Variants in TBCD observed in about 807,000 individuals in gnomAD.
TBCD encodes the protein tubulin-specific chaperone D.
A neutral mutation model predicts 169.3 loss-of-function variants in TBCD; 105 were observed. The observed-to-expected ratio is 0.62, with a 90% CI of 0.53 to 0.73. The LOEUF (loss-of-function observed/expected upper bound fraction) is 0.73. Ranked by LOEUF, TBCD falls within the 30% of genes least tolerant of loss-of-function variation. The probability of loss-of-function intolerance (pLI) is 0.00; values close to 1 mark genes in which losing one functional copy is unlikely to be tolerated. For missense variants in TBCD, 1,444 were observed against 1,600.1 expected (o/e 0.90, Z 1.66); for synonymous variants, 700 against 643.9 (o/e 1.09, Z -1.32).
At position 82,893,429 on chromosome 17, in the gene TBCD, C is replaced by T. The variant is rs777112202; in HGVS notation, c.1564-118C>T. 7.9e-5 allele frequency: 61 copies of T among 770,214 alleles called. No individual in the cohort carries two copies. The Middle Eastern group carries it at 0.011, about 145-fold the overall frequency. The allele number at this position is 770,214 out of a possible 1,614,324, so 47.7% of individuals were successfully genotyped here. Reference sequence around the variant, plus strand: ...CTGTGGTGTGTGGCTTGCTCACCACCTGCCTCAGGGCTCGGGGTTCATGAG... The same window carrying T: ...CTGTGGTGTGTGGCTTGCTCACCACTTGCCTCAGGGCTCGGGGTTCATGAG... On this transcript the variant is annotated intron_variant, in intron 16 of 38. Coordinates refer to ENST00000355528, the MANE Select transcript of TBCD (RefSeq NM_005993.5).
In TBCD at chr17:82,860,424, G is replaced by C. The variant is rs987511379; in HGVS notation, c.1319-9800G>C. The C allele has an allele frequency of 3.0e-6, 3 of 984,822 alleles. No homozygotes were observed. In the African/African-American group the frequency reaches 5.2e-5, roughly 17 times the overall value. The allele number at this position is 984,822 out of a possible 1,614,324, so 61.0% of individuals were successfully genotyped here. ...GTGGCAGTGAGCGGACAGCGAGGGG[G>C]ACAGACACAGGTGGAAGGAACCACG... is the stretch of plus-strand genomic sequence containing the variant. On this transcript the variant is annotated intron_variant, in intron 13 of 38. Transcript: ENST00000355528.
At chr17:82,928,540 G>C (rs2147287094) in intron 30 of TBCD, among the ~76,000 whole-genome samples, 2 of 150,978 alleles carry the variant, frequency 1.3e-5, no homozygotes, top group Non-Finnish European at 3.0e-5. Context: ...ATCTCTGTCA[G>C]GGGCACTCAG....
At position 82,832,506 on chromosome 17, in the gene TBCD, G is replaced by C; in HGVS notation, c.1318+17572G>C. On this transcript the variant is annotated intron_variant, in intron 13 of 38. Coordinates refer to ENST00000355528, the MANE Select transcript of TBCD (RefSeq NM_005993.5). This position sits in a 1 kb window ranked among gnomAD's most constrained non-coding sequence, Gnocchi z 4.9. Reference sequence around the variant, plus strand: ...CTGTCCAGGTGGCGTGATCACTGTCGACGCCGCGTGCACTTCGTGGTTTCT... The same window carrying C: ...CTGTCCAGGTGGCGTGATCACTGTCCACGCCGCGTGCACTTCGTGGTTTCT... 1 of 1,515,590 alleles carries C rather than the reference G, an allele frequency of 6.6e-7. No homozygotes were observed. Among genetic ancestry groups the C allele is most frequent in the Non-Finnish European group, 9.1e-7 (1 of 1,102,668 alleles). 93.9% of individuals were successfully genotyped at this position (1,515,590 alleles called of 1,614,324 possible).
chr17:82,821,946 T>A (rs1210933554), intron 13 of TBCD, among the ~76,000 whole-genome samples: 1 of 152,240 alleles, frequency 6.6e-6, no homozygotes, highest in East Asian at 1.9e-4. Flanking sequence ...ATATAAATGT[T>A]ATAAATTTTG....
At chr17:82,784,131 A>C (rs1440865415) in intron 7 of TBCD, among the ~76,000 whole-genome samples, 1 of 152,144 alleles carries the variant, frequency 6.6e-6, no homozygotes, top group Non-Finnish European at 1.5e-5. Flanking sequence ...CAGAAAAAAA[A>C]AACAGAAAAA....
intron 16 of TBCD, among the ~76,000 whole-genome samples, chr17:82,891,883 G>C (rs551843899): frequency 9.2e-5 from 14 of 152,142 alleles, no homozygotes; most frequent in Non-Finnish European, 2.1e-4. Context: ...AGGGGCTCTT[G>C]AGCAGGTTGT....
In TBCD at chr17:82,944,654, C is replaced by A. The variant is rs191288068; in HGVS notation, c.*2191C>A. On this transcript the variant is annotated 3_prime_UTR_variant, in exon 39 of 39. Transcript: ENST00000355528. ...GAGCAAGCTTTGTGAGTTTAGAGAG[C>A]AGCAAGAAGCCAGTATCCCTGGGAC... 1.3e-5 allele frequency: 2 copies of A among 152,322 alleles called. No individual in the cohort carries two copies. Among genetic ancestry groups the A allele is most frequent in the East Asian group, 3.9e-4 (2 of 5,180 alleles). 9.4% of individuals were successfully genotyped at this position (152,322 alleles called of 1,614,324 possible).
At chr17:82,788,108 C>T (rs764947173) in intron 7 of TBCD, among the ~76,000 whole-genome samples, 26 of 152,098 alleles carry the variant, frequency 1.7e-4, no homozygotes, top group Middle Eastern at 3.4e-3. Flanking sequence ...CATGGTGGTG[C>T]GCGCCTGTAA....
chr17:82,856,868 GC>G (rs1376742980), intron 13 of TBCD, among the ~76,000 whole-genome samples: 1 of 141,942 alleles, frequency 7.0e-6, no homozygotes, highest in Non-Finnish European at 1.5e-5. Context: ...TCGCTGGACC[GC>G]GTGCGGACCC....
At chr17:82,911,428 G>A (rs1018031350) in intron 22 of TBCD, among the ~76,000 whole-genome samples, 2 of 151,846 alleles carry the variant, frequency 1.3e-5, no homozygotes, top group African/African-American at 4.9e-5. Context: ...CTGGATAGGG[G>A]GCTCTTTCTG....
At chr17:82,830,236 C>G in intron 13 of TBCD, 1 of 1,614,252 alleles carries the variant, frequency 6.2e-7, no homozygotes, top group Non-Finnish European at 8.5e-7. Context: ...TCCAGCATCC[C>G]TTAGACTTGT....
chr17:82,772,348 T>A, intron 5 of TBCD, 104 bp from the exon 6 acceptor site: 1 of 1,195,378 alleles, frequency 8.4e-7, no homozygotes, highest in South Asian at 1.2e-5. Flanking sequence ...TTTGTGAACC[T>A]GGGCCCTCGG....
intron 14 of TBCD, among the ~76,000 whole-genome samples, chr17:82,877,307 A>G (rs2058044571): frequency 6.6e-6 from 1 of 152,248 alleles, no homozygotes. Flanking sequence ...GAAAAGATTT[A>G]GAATAAACTG....
At chr17:82,772,145 A>G (rs1362873664) in intron 5 of TBCD, among the ~76,000 whole-genome samples, 1 of 152,118 alleles carries the variant, frequency 6.6e-6, no homozygotes, top group Non-Finnish European at 1.5e-5. Context: ...TCTTTGTTAC[A>G]ATTGGGTAAC....
chr17:82,815,580 C>T (rs1244183745), intron 13 of TBCD, among the ~76,000 whole-genome samples: 2 of 152,250 alleles, frequency 1.3e-5, no homozygotes, highest in Admixed American at 6.5e-5. Flanking sequence ...TGGCCACACG[C>T]AGCCCTGTCT....
chr17:82,853,052 A>T (rs2055934959), intron 13 of TBCD, among the ~76,000 whole-genome samples: 1 of 151,704 alleles, frequency 6.6e-6, no homozygotes, highest in South Asian at 2.1e-4. Flanking sequence ...GAATGTGGCT[A>T]CTCAGCTTTC....
At chr17:82,816,285 CT>C (rs2051896216) in intron 13 of TBCD, among the ~76,000 whole-genome samples, 1 of 152,212 alleles carries the variant, frequency 6.6e-6, no homozygotes, top group African/African-American at 2.4e-5. Flanking sequence ...TTTGTCCATC[CT>C]TTTCATCAGC....
chr17:82,934,461 G>A (rs533746159), intron 34 of TBCD, among the ~76,000 whole-genome samples: 1 of 152,200 alleles, frequency 6.6e-6, no homozygotes, highest in South Asian at 2.1e-4. Context: ...TTAATACAAT[G>A]CTAAATACTC....
At chr17:82,851,161 G>A (rs1018664161) in intron 13 of TBCD, among the ~76,000 whole-genome samples, 1 of 152,060 alleles carries the variant, frequency 6.6e-6, no homozygotes, top group Non-Finnish European at 1.5e-5. Context: ...ACAAAGTAAT[G>A]AAATTAAAAA....
Sources: gnomAD v4.1 joint callset for allele counts (sites outside exome capture counted in the v4.1 genomes callset) on GRCh38, gnomAD v4.1.1 for gene constraint, Gnocchi (gnomAD v3.1) non-coding constraint, MANE v1.5 for transcripts, NCBI Gene and HGNC (gene_info 2026-07-23, HGNC 2026-07-21) for gene names.